RB1CC1: variants seen among roughly 807,000 people sequenced by gnomAD.
RB1CC1 encodes the protein RB1 inducible coiled-coil 1.
RB1CC1 carries 46 observed loss-of-function variants against 177.5 expected under a neutral mutation model. That is an observed-to-expected ratio of 0.26 (90% CI 0.20 to 0.33). The LOEUF is 0.33. RB1CC1 is among the 10% of genes least tolerant of loss of function. RB1CC1 has a pLI of 1.00. For missense variants in RB1CC1, 1,703 were observed against 1,816.3 expected (o/e 0.94, Z 1.13); for synonymous variants, 666 against 613.6 (o/e 1.09, Z -1.26).
chr8:52,703,346 A>T (rs1471017008), intron 1 of RB1CC1, among the ~76,000 whole-genome samples: 1 of 152,118 alleles, frequency 6.6e-6, no homozygotes, highest in East Asian at 1.9e-4. Flanking sequence ...CCAACTACAT[A>T]ATCTTAGATT....
chr8:52,627,247 T>C (rs1341107417), intron 22 of RB1CC1, among the ~76,000 whole-genome samples: 3 of 152,088 alleles, frequency 2.0e-5, no homozygotes, highest in Admixed American at 2.0e-4. Context: ...CTCGGGAAGC[T>C]GAGGCAGGAG....
At chr8:52,704,208 C>A (rs755448474) in intron 1 of RB1CC1, among the ~76,000 whole-genome samples, 71 of 152,038 alleles carry the variant, frequency 4.7e-4, no homozygotes, top group Non-Finnish European at 9.0e-4. Flanking sequence ...GTTTCGTCAT[C>A]TTAAAACATA....
intron 5 of RB1CC1, among the ~76,000 whole-genome samples, chr8:52,681,952 A>G (rs1853780899): frequency 6.6e-6 from 1 of 152,170 alleles, no homozygotes; most frequent in African/African-American, 2.4e-5. Flanking sequence ...CCCCACACAG[A>G]GTCCCTACTG....
intron 1 of RB1CC1, among the ~76,000 whole-genome samples, chr8:52,706,810 C>G (rs1186212157): frequency 6.6e-6 from 1 of 151,694 alleles, no homozygotes; most frequent in African/African-American, 2.4e-5. Flanking sequence ...AGGCACCCAC[C>G]ACCACACCCA....
At chr8:52,705,148 C>T (rs1053899410) in intron 1 of RB1CC1, among the ~76,000 whole-genome samples, 2 of 152,106 alleles carry the variant, frequency 1.3e-5, no homozygotes, top group East Asian at 1.9e-4. Flanking sequence ...ATAACTCACA[C>T]GGTAGTTAAC....
chr8:52,698,921 C>T (rs1166864150), intron 1 of RB1CC1, among the ~76,000 whole-genome samples: 1 of 149,818 alleles, frequency 6.7e-6, no homozygotes, highest in Non-Finnish European at 1.5e-5. Context: ...GAACTCCTCA[C>T]CTCAGGTGAT....
chr8:52,667,715 T>A (rs1852192902), intron 8 of RB1CC1, among the ~76,000 whole-genome samples: 1 of 152,192 alleles, frequency 6.6e-6, no homozygotes, highest in Non-Finnish European at 1.5e-5. Context: ...TCCTTCGTCC[T>A]ATGGGGGGTA....
chr8:52,685,282 G>T, intron 3 of RB1CC1, 117 bp downstream of exon 3: 1 of 705,074 alleles, frequency 1.4e-6, no homozygotes, highest in Non-Finnish European at 2.4e-6. Context: ...GGGATTACAG[G>T]CGTGAGGTAC....
At chr8:52,649,590 C>T (rs192938829) in intron 15 of RB1CC1, among the ~76,000 whole-genome samples, 71 of 152,270 alleles carry the variant, frequency 4.7e-4, no homozygotes, top group African/African-American at 1.6e-3. Context: ...AAGCCGAGAT[C>T]ATGCCACTGC....
intron 1 of RB1CC1, among the ~76,000 whole-genome samples, chr8:52,701,916 C>T (rs1450996055): frequency 1.3e-5 from 2 of 151,956 alleles, no homozygotes; most frequent in Non-Finnish European, 2.9e-5. Flanking sequence ...AAGCAATTCT[C>T]CCTGCCTCAG....
At chr8:52,698,477 C>T (rs113982099) in intron 1 of RB1CC1, among the ~76,000 whole-genome samples, 4,435 of 151,272 alleles carry the variant, frequency 0.029, 248 homozygotes, top group African/African-American at 0.1. Flanking sequence ...CACGCCCAGC[C>T]AATTTTTTGT....
intron 9 of RB1CC1, 74 bp downstream of exon 9, chr8:52,661,461 C>T (rs186028122): frequency 1.6e-4 from 235 of 1,482,956 alleles, no homozygotes; most frequent in Admixed American, 2.3e-4. Context: ...GGAAAAATCA[C>T]TCCATCATTT....
At chr8:52,687,899 T>C (rs1210507766) in intron 1 of RB1CC1, among the ~76,000 whole-genome samples, 1 of 152,150 alleles carries the variant, frequency 6.6e-6, no homozygotes, top group Non-Finnish European at 1.5e-5. Flanking sequence ...ATCACAGGGA[T>C]ATTAGGAGGA....
chr8:52,625,290 G>A (rs1262254993), intron 22 of RB1CC1, among the ~76,000 whole-genome samples: 1 of 152,108 alleles, frequency 6.6e-6, no homozygotes, highest in African/African-American at 2.4e-5. Context: ...GCACAGCAGT[G>A]TGTATACAGT....
At chr8:52,679,026 C>A (rs1409901103) in intron 5 of RB1CC1, among the ~76,000 whole-genome samples, 1 of 152,150 alleles carries the variant, frequency 6.6e-6, no homozygotes, top group East Asian at 1.9e-4. Context: ...CCACCCCACA[C>A]ATACAATATA....
At chr8:52,705,644 A>G (rs1234013856) in intron 1 of RB1CC1, among the ~76,000 whole-genome samples, 1 of 152,250 alleles carries the variant, frequency 6.6e-6, no homozygotes, top group Admixed American at 6.5e-5. Flanking sequence ...TCATTATACC[A>G]TCACTTTTTA....
chr8:52,656,096 C>A lies in RB1CC1; in HGVS notation c.3733G>T (p.Ala1245Ser), dbSNP rs201682060. ...NCEKDEAIQT[A>S]LKEFKLEREV... ...CTCTCCAATTTAAATTCTTTTAGGG[C>A]AGTCTGAATAGCTTCATCTTTTTCA... is the stretch of plus-strand genomic sequence containing the variant. The change falls in exon 15 of 24, where the codon GCC becomes TCC. Residue 1245 changes from alanine (A) to serine (S), a missense_variant. Ala to Ser is a moderately conservative substitution (Grantham distance 99, BLOSUM62 1). Transcript: ENST00000025008. 1.4e-5 allele frequency: 22 copies of A among 1,613,436 alleles called. No individual in the cohort carries two copies. Among genetic ancestry groups the A allele is most frequent in the Non-Finnish European group, 1.4e-5 (16 of 1,179,804 alleles).
At chr8:52,693,281 TTAAAC>T (rs1235839254) in intron 1 of RB1CC1, among the ~76,000 whole-genome samples, 3 of 152,054 alleles carry the variant, frequency 2.0e-5, no homozygotes, top group Non-Finnish European at 4.4e-5. Context: ...TGGAATCTAA[TTAAAC>T]TAAAGAGCTT....
At chr8:52,673,166 C>G (rs536736231) in intron 7 of RB1CC1, among the ~76,000 whole-genome samples, 2 of 152,148 alleles carry the variant, frequency 1.3e-5, no homozygotes, top group African/African-American at 4.8e-5. Context: ...CTATTTTTAA[C>G]AATTATCTTT....
Sources: allele counts gnomAD v4.1 joint callset (sites outside exome capture counted in the v4.1 genomes callset), GRCh38; gene constraint gnomAD v4.1.1; transcripts MANE v1.5; gene names NCBI Gene and HGNC (gene_info 2026-07-23, HGNC 2026-07-21).